Variants in LAMA1 observed in about 807,000 individuals in gnomAD.
The protein encoded by LAMA1 is laminin subunit alpha 1.
In LAMA1, 219 loss-of-function variants were observed where a neutral mutation model predicts 348.7. The observed-to-expected ratio is 0.63, with a 90% CI of 0.56 to 0.70. The LOEUF (loss-of-function observed/expected upper bound fraction) is 0.70. Ranked by LOEUF, LAMA1 falls within the 30% of genes least tolerant of loss-of-function variation. The probability of loss-of-function intolerance (pLI) is 0.00; values close to 1 mark genes in which losing one functional copy is unlikely to be tolerated. For missense variants in LAMA1, 3,744 were observed against 3,888.0 expected (o/e 0.96, Z 0.99); for synonymous variants, 1,487 against 1,491.0 (o/e 1.00, Z 0.06).
chr18:6,989,020 C>T (rs938410339), intron 36 of LAMA1, among the ~76,000 whole-genome samples: 2 of 152,086 alleles, frequency 1.3e-5, no homozygotes, highest in African/African-American at 4.8e-5. Flanking sequence ...ACTACCTGGG[C>T]TGTTTGTGCA....
intron 3 of LAMA1, among the ~76,000 whole-genome samples, chr18:7,053,818 T>C (rs2058071337): frequency 6.6e-6 from 1 of 150,792 alleles, no homozygotes; most frequent in South Asian, 2.1e-4. Context: ...TCTCACTCTG[T>C]TGCCCAGGCT....
At chr18:7,078,071 A>C (rs1312411472) in intron 3 of LAMA1, among the ~76,000 whole-genome samples, 1 of 150,650 alleles carries the variant, frequency 6.6e-6, no homozygotes, top group Non-Finnish European at 1.5e-5. Flanking sequence ...TCTCAAAAAA[A>C]AAAAAAAAAC....
At chr18:7,032,377 C>A (rs1216785787) in intron 15 of LAMA1, among the ~76,000 whole-genome samples, 1 of 152,200 alleles carries the variant, frequency 6.6e-6, no homozygotes, top group Non-Finnish European at 1.5e-5. Context: ...TCACCATAAT[C>A]CAGTTCCTTA....
intron 12 of LAMA1, 95 bp from the exon 13 acceptor site, chr18:7,036,183 A>C: frequency 3.6e-6 from 3 of 828,474 alleles, no homozygotes; most frequent in Non-Finnish European, 6.3e-6. Context: ...ATCTGCAAAC[A>C]ACTAGGCTAC....
In LAMA1 at chr18:6,964,728, G is replaced by A; in HGVS notation, c.7271C>T (p.Ser2424Phe). The A allele has an allele frequency of 6.2e-7, 1 of 1,614,178 alleles. No homozygotes were observed. Among genetic ancestry groups the A allele is most frequent in the Non-Finnish European group, 8.5e-7 (1 of 1,180,032 alleles). Residue 2424 changes from serine to phenylalanine, a missense_variant, in exon 51 of 63, where the codon TCT (serine) becomes TTT (phenylalanine). Physicochemically the swap from Ser to Phe is radical, Grantham distance 155 (BLOSUM62 -2). This residue lies in a region of LAMA1 where 1,983 missense variants were observed against 1,934.3 expected (regional missense o/e 1.03). Coordinates refer to ENST00000389658, the MANE Select transcript of LAMA1 (RefSeq NM_005559.4). ...GTCCTTGTCTAGGCGGTTGAGGTCAGAAGATGCTCCCGGAGTCTCGCCCTG... is the reference window on the plus strand; with the variant it reads ...GTCCTTGTCTAGGCGGTTGAGGTCAAAAGATGCTCCCGGAGTCTCGCCCTG... Reference protein sequence around the residue: ...TKQGETPGASSDLNRLDKDPI... With the variant: ...TKQGETPGASFDLNRLDKDPI...
intron 1 of LAMA1, among the ~76,000 whole-genome samples, chr18:7,080,940 C>A (rs866102007): frequency 7.2e-5 from 11 of 152,260 alleles, no homozygotes; most frequent in Middle Eastern, 3.4e-3. Flanking sequence ...CAATTCACTT[C>A]GAAATGCACC....
chr18:7,113,511 C>T (rs1446690289), intron 1 of LAMA1, among the ~76,000 whole-genome samples: 1 of 152,126 alleles, frequency 6.6e-6, no homozygotes, highest in Non-Finnish European at 1.5e-5. Flanking sequence ...TGGAAGAAGA[C>T]CACTTGCTTA....
rs758996140 is a variant in LAMA1, at chr18:6,983,188, C to T, written c.5707G>A (p.Ala1903Thr). The change falls in exon 40 of 63, where the codon GCC (alanine) becomes ACC (threonine). Residue 1903 changes from alanine to threonine, a missense_variant. Coordinates refer to ENST00000389658, the MANE Select transcript of LAMA1 (RefSeq NM_005559.4). ...CTCTGGATGTTGTAATGGACATAGG[C>T]TGCACTGGTGGCATTCAGGGACACA... ...RNVSLNATSA[A>T]YVHYNIQSLI... The T allele has an allele frequency of 6.2e-7, 1 of 1,614,180 alleles. No individual in the cohort carries two copies. Among genetic ancestry groups the T allele is most frequent in the Non-Finnish European group, 8.5e-7 (1 of 1,180,036 alleles).
intron 1 of LAMA1, among the ~76,000 whole-genome samples, chr18:7,090,159 G>T (rs1353118804): frequency 6.6e-6 from 1 of 152,038 alleles, no homozygotes; most frequent in Non-Finnish European, 1.5e-5. Context: ...AAGAAATTCT[G>T]TTTCCAGTTA....
intron 36 of LAMA1, among the ~76,000 whole-genome samples, chr18:6,990,542 C>A (rs1436851923): frequency 6.6e-6 from 1 of 152,168 alleles, no homozygotes; most frequent in East Asian, 1.9e-4. Context: ...CCGAGAAGAG[C>A]ACAGCTGAAG....
At chr18:7,014,753 C>T (rs1600394417) in intron 22 of LAMA1, among the ~76,000 whole-genome samples, 1 of 152,092 alleles carries the variant, frequency 6.6e-6, no homozygotes, top group African/African-American at 2.4e-5. Context: ...TGGACATAAA[C>T]CCCCAATAAA....
At chr18:7,106,187 G>A (rs2058311019) in intron 1 of LAMA1, among the ~76,000 whole-genome samples, 1 of 152,178 alleles carries the variant, frequency 6.6e-6, no homozygotes, top group Admixed American at 6.5e-5. Flanking sequence ...TAGTCTGTGG[G>A]CTGCGGTGGG....
At chr18:7,017,049 T>A (rs989958685) in intron 20 of LAMA1, among the ~76,000 whole-genome samples, 1 of 152,172 alleles carries the variant, frequency 6.6e-6, no homozygotes, top group Non-Finnish European at 1.5e-5. Context: ...GTAAAGAAGG[T>A]GCCTGCTTCC....
chr18:6,965,574 C>T (rs551446292), intron 49 of LAMA1, 142 bp from the exon 50 acceptor site: 23 of 898,576 alleles, frequency 2.6e-5, no homozygotes, highest in African/African-American at 6.7e-5. Flanking sequence ...CTATCGGCTA[C>T]GAAACCAAAA....
At chr18:7,097,902 C>G in intron 1 of LAMA1, among the ~76,000 whole-genome samples, 1 of 151,374 alleles carries the variant, frequency 6.6e-6, no homozygotes, top group Middle Eastern at 3.4e-3. Context: ...GTCTCCCTCT[C>G]ATGCTGAGCC....
chr18:6,956,752 T>G lies in LAMA1; in HGVS notation c.7978A>C (p.Asn2660His). Residue 2660 changes from asparagine (N) to histidine (H), a missense_variant, in exon 56 of 63, where the codon AAC becomes CAC. Transcript: ENST00000389658. ...ACTTGCTCATGGCCAACTGCACTGT[T>G]GAAATCCAAAAGTCTAGGTAGAAAC... ...LIFNLELLDF[N>H]SAVGHEQVDL... The G allele has an allele frequency of 1.2e-6, 2 of 1,614,168 alleles. No homozygotes were observed. Among genetic ancestry groups the G allele is most frequent in the Non-Finnish European group, 1.7e-6 (2 of 1,180,034 alleles).
rs1475344480 is a variant in LAMA1 at position 6,943,282 on chromosome 18, T to C, written c.8965A>G (p.Ile2989Val). 3 of 1,614,218 alleles carry C rather than the reference T, an allele frequency of 1.9e-6. No homozygotes were observed. In the Admixed American group the frequency reaches 5.0e-5, roughly 27 times the overall value. ...TLQANKSKHR[I>V]TLIVDGNAVG... The stretch of plus-strand genomic sequence containing the variant: ...GCGTTCCCGTCAACAATCAGAGTGA[T>C]ACGGTGTTTGCTTTTGTTAGCTTGA... The change falls in exon 62 of 63, where the codon ATC (isoleucine) becomes GTC (valine). Residue 2989 changes from isoleucine (I) to valine (V), a missense_variant. Physicochemically the swap from Ile to Val is conservative, Grantham distance 29. Coordinates refer to ENST00000389658, the MANE Select transcript of LAMA1 (RefSeq NM_005559.4).
chr18:7,037,554 C>T (rs1217522779), intron 12 of LAMA1, 24 bp downstream of exon 12: 3 of 1,613,370 alleles, frequency 1.9e-6, no homozygotes, highest in Admixed American at 1.7e-5. Context: ...TCTGAGACAT[C>T]GCTACCTGCA....
intron 1 of LAMA1, among the ~76,000 whole-genome samples, chr18:7,109,796 A>G (rs1454628440): frequency 1.6e-5 from 2 of 122,744 alleles, no homozygotes; most frequent in East Asian, 9.3e-4. Context: ...GAGGGAGAAC[A>G]TTACGAAGGC....
Sources: gnomAD v4.1 joint callset for allele counts (sites outside exome capture counted in the v4.1 genomes callset) on GRCh38, gnomAD v4.1.1 for gene constraint, gnomAD v4.1.1 regional missense constraint, MANE v1.5 for transcripts, NCBI Gene and HGNC (gene_info 2026-07-23, HGNC 2026-07-21) for gene names.